The following IL4R variants were observed in gnomAD, a reference collection of about 807,000 sequenced individuals.
IL4R encodes the protein interleukin-4 receptor subunit alpha.
Under a neutral mutation model 41.5 loss-of-function variants are expected in IL4R, and 17 were observed. The ratio of observed to expected loss-of-function variants is 0.41; its 90% CI spans 0.28 to 0.61. The LOEUF (loss-of-function observed/expected upper bound fraction) is 0.61. Among genes scored for constraint, IL4R ranks in the 20% least tolerant of loss-of-function variants. IL4R has a pLI of 0.31. For missense variants in IL4R, 974 were observed against 1,043.1 expected, an observed-to-expected ratio of 0.93 and a Z score of 0.91; for synonymous variants, 402 against 422.9, an observed-to-expected ratio of 0.95 and a Z score of 0.61.
At chr16:27,317,644 T>C (rs1228896378) in intron 1 of IL4R, among the ~76,000 whole-genome samples, 1 of 152,124 alleles carries the variant, frequency 6.6e-6, no homozygotes, top group African/African-American at 2.4e-5. Context: ...AGCAAATTGC[T>C]CTGCGTCTCT....
chr16:27,324,937 CA>C (rs1245551032), intron 1 of IL4R, among the ~76,000 whole-genome samples: 2 of 152,192 alleles, frequency 1.3e-5, no homozygotes, highest in Non-Finnish European at 1.5e-5. Context: ...CTGCTTTCCC[CA>C]CCAAGCGCCA....
intron 2 of IL4R, among the ~76,000 whole-genome samples, chr16:27,336,085 G>A (rs544670750): frequency 2.6e-5 from 4 of 152,164 alleles, no homozygotes; most frequent in African/African-American, 9.6e-5. Flanking sequence ...ATGGGGTTTT[G>A]TCCCCATAAA....
At chr16:27,318,693 T>C (rs2084719159) in intron 1 of IL4R, 1 of 152,248 alleles carries the variant, frequency 6.6e-6, no homozygotes, top group African/African-American at 2.4e-5. Flanking sequence ...AGGTCTGCGC[T>C]AAAGCCAGCC....
intron 1 of IL4R, 138 bp downstream of exon 1, chr16:27,314,158 G>A (rs1413100412): frequency 1.1e-6 from 1 of 950,738 alleles, no homozygotes; most frequent in Non-Finnish European, 1.3e-6. Context: ...CCGAGCCCGC[G>A]ACTCTCGGTG....
intron 1 of IL4R, among the ~76,000 whole-genome samples, chr16:27,327,934 A>G (rs1387525876): frequency 6.6e-6 from 1 of 152,124 alleles, no homozygotes. Flanking sequence ...TATTGAGGCC[A>G]GGTGCGGTAG....
At chr16:27,359,235 T>C (rs2086198848) in intron 9 of IL4R, among the ~76,000 whole-genome samples, 1 of 152,220 alleles carries the variant, frequency 6.6e-6, no homozygotes, top group South Asian at 2.1e-4. Context: ...TTCCTGTTTT[T>C]TTCCCTCCCC....
intron 1 of IL4R, among the ~76,000 whole-genome samples, chr16:27,319,965 T>A (rs1274398330): frequency 6.6e-6 from 1 of 152,098 alleles, no homozygotes; most frequent in African/African-American, 2.4e-5. Flanking sequence ...CACCTCCCCA[T>A]GTTCAAGTGA....
chr16:27,363,549 G>T lies in IL4R; in HGVS notation c.2197G>T (p.Gly733Cys). Residue 733 changes from glycine to cysteine, a missense_variant, in exon 11 of 11, where the codon GGT (glycine) becomes TGT (cysteine). Physicochemically the swap from Gly to Cys is radical, Grantham distance 159 (BLOSUM62 -3). Around this residue, in one of 3 missense-constraint regions of IL4R, gnomAD observed 682 missense variants for 704.3 expected, o/e 0.97. Transcript: ENST00000395762. ...GAAACAGTGTCATGGCCAGGAGGAT[G>T]GTGGCCAGACCCCTGTCATGGCCAG... ...HLKQCHGQED[G>C]GQTPVMASPC... 1 of 1,614,146 alleles carries T rather than the reference G, an allele frequency of 6.2e-7. No homozygotes were observed. The highest frequency in any genetic ancestry group is 8.5e-7 in the Non-Finnish European group (1 of 1,180,028).
At position 27,363,744 on chromosome 16, in the gene IL4R, G is replaced by T. The variant is rs1192933405; in HGVS notation, c.2392G>T (p.Ala798Ser). The part of the protein sequence containing the change: ...KSKSSSSFHP[A>S]PGNAQSSSQT... ...TAAATCCTCATCATCCTTCCATCCT[G>T]CCCCTGGCAATGCTCAGAGCTCAAG... is the stretch of plus-strand genomic sequence containing the variant. Residue 798 changes from alanine to serine, a missense_variant, in exon 11 of 11, where the codon GCC (alanine) becomes TCC (serine). By Grantham distance (99) the Ala-to-Ser change is moderately conservative. This residue lies in a region of IL4R where 682 missense variants were observed against 704.3 expected (regional missense o/e 0.97). Transcript: ENST00000395762. 2 of 1,613,060 alleles carry T rather than the reference G, an allele frequency of 1.2e-6. No homozygotes were observed. The highest frequency in any genetic ancestry group is 1.1e-5 in the South Asian group (1 of 91,080).
At chr16:27,323,386 C>T (rs563006512) in intron 1 of IL4R, among the ~76,000 whole-genome samples, 1 of 152,242 alleles carries the variant, frequency 6.6e-6, no homozygotes, top group African/African-American at 2.4e-5. Flanking sequence ...CTGTATCTTC[C>T]ATAGTGAGCT....
At chr16:27,344,014 T>TTG (rs2085530695) in intron 4 of IL4R, among the ~76,000 whole-genome samples, 1 of 152,026 alleles carries the variant, frequency 6.6e-6, no homozygotes, top group Admixed American at 6.6e-5. Flanking sequence ...AAAATTGCAC[T>TTG]TGTAAGGCCG....
intron 1 of IL4R, among the ~76,000 whole-genome samples, chr16:27,328,007 C>T (rs1262272948): frequency 5.3e-5 from 8 of 151,672 alleles, no homozygotes; most frequent in Non-Finnish European, 8.8e-5. Context: ...GTCAAGAGAT[C>T]GAGACCATCC....
chr16:27,355,910 G>T lies in IL4R; in HGVS notation c.770+3G>T, dbSNP rs758604556. 6.2e-7 allele frequency: 1 copy of T among 1,608,246 alleles called. No individual in the cohort carries two copies. ...TTGTGCTATGTCAGCATCACCAAGT[G>T]AGTCCTGGGCCCAGTGCTGCCGAGC... On this transcript the variant is annotated splice_donor_region_variant and intron_variant, in intron 8 of 10. Coordinates refer to ENST00000395762, the MANE Select transcript of IL4R (RefSeq NM_000418.4).
At chr16:27,349,281 G>A (rs943903571) in intron 6 of IL4R, among the ~76,000 whole-genome samples, 9 of 152,324 alleles carry the variant, frequency 5.9e-5, no homozygotes, top group South Asian at 2.1e-4. Context: ...CTGGGCGGGT[G>A]TCCACCTGCA....
intron 4 of IL4R, among the ~76,000 whole-genome samples, 186 bp from the exon 5 acceptor site, chr16:27,344,683 G>A (rs2085569269): frequency 6.6e-6 from 1 of 152,236 alleles, no homozygotes; most frequent in Admixed American, 6.5e-5. Context: ...TGGCCAGCAA[G>A]AGAGGCAACC....
chr16:27,326,016 C>T (rs907441845), intron 1 of IL4R, among the ~76,000 whole-genome samples: 1 of 152,132 alleles, frequency 6.6e-6, no homozygotes, highest in Admixed American at 6.6e-5. Context: ...TCAGCAAATC[C>T]TGTGGGCTCT....
At chr16:27,334,963 C>T (rs1430126255) in intron 2 of IL4R, among the ~76,000 whole-genome samples, 1 of 152,106 alleles carries the variant, frequency 6.6e-6, no homozygotes, top group Admixed American at 6.5e-5. Context: ...TGGGACAGAC[C>T]CTGGCTGTCA....
chr16:27,345,344 C>T lies in IL4R; in HGVS notation c.361+324C>T, dbSNP rs1305435378. Reference sequence around the variant, plus strand: ...TGCTGATTGAAAACCGAACTGGGAACATTCCTTCCATTCTGTGTCCACTGG... The same window carrying T: ...TGCTGATTGAAAACCGAACTGGGAATATTCCTTCCATTCTGTGTCCACTGG... On this transcript the variant is annotated intron_variant, in intron 5 of 10. Coordinates refer to ENST00000395762, the MANE Select transcript of IL4R (RefSeq NM_000418.4). This position sits in a 1 kb window ranked among gnomAD's most constrained non-coding sequence, Gnocchi z 4.5. 4.4e-6 allele frequency: 2 copies of T among 450,888 alleles called. No homozygotes were observed. Among genetic ancestry groups the T allele is most frequent in the South Asian group, 1.8e-5 (1 of 55,150 alleles). The allele number at this position is 450,888 out of a possible 1,614,324, so 27.9% of individuals were successfully genotyped here. A position where few individuals can be genotyped will look rare whatever the true frequency, so the allele number is the denominator to read the frequency against.
intron 8 of IL4R, among the ~76,000 whole-genome samples, 156 bp downstream of exon 8, chr16:27,356,063 C>T (rs371317949): frequency 1.5e-4 from 23 of 150,478 alleles, no homozygotes; most frequent in African/African-American, 3.4e-4. Context: ...GAGAACATAT[C>T]GACAAGGACC....
Sources: allele counts gnomAD v4.1 joint callset (sites outside exome capture counted in the v4.1 genomes callset), GRCh38; gene constraint gnomAD v4.1.1; regional missense constraint gnomAD v4.1.1; non-coding constraint Gnocchi (gnomAD v3.1); transcripts MANE v1.5; gene names NCBI Gene and HGNC (gene_info 2026-07-23, HGNC 2026-07-21).